Variants in BTK observed in about 807,000 individuals in gnomAD.
The protein encoded by BTK is tyrosine-protein kinase BTK.
In BTK, 5 loss-of-function variants were observed where a neutral mutation model predicts 57.4. The observed-to-expected ratio is 0.09, with a 90% confidence interval of 0.05 to 0.18. The LOEUF (loss-of-function observed/expected upper bound fraction) is 0.18, where lower values mean the gene tolerates loss of function less well. Ranked by LOEUF, BTK falls within the 10% of genes least tolerant of loss-of-function variation. The probability of loss-of-function intolerance (pLI) is 1.00; values close to 1 mark genes in which losing one functional copy is unlikely to be tolerated. For synonymous variants in BTK, 154 were observed against 174.3 expected (o/e 0.88, Z 0.92); for missense variants, 194 against 501.2 (o/e 0.39, Z 5.85).
chrX:101,358,777 A>G (rs373139858), intron 10 of BTK, 81 bp from the exon 11 acceptor site: 14 of 796,147 alleles, frequency 1.8e-5, no homozygotes, highest in African/African-American at 1.4e-4. Flanking sequence ...TTGAGAGAGA[A>G]AATAGAACAA....
intron 1 of BTK, among the ~76,000 whole-genome samples, chrX:101,377,009 T>C (rs1927236405): frequency 9.0e-6 from 1 of 111,332 alleles, no homozygotes; most frequent in African/African-American, 3.3e-5. Context: ...AAGATCGCTT[T>C]GCCACTTATC....
intron 1 of BTK, among the ~76,000 whole-genome samples, chrX:101,381,006 CG>C (rs1374051353): frequency 3.6e-5 from 2 of 55,495 alleles, no homozygotes; most frequent in African/African-American, 1.6e-4. Flanking sequence ...AACTCGGTCG[CG>C]AAAAAAAAAA....
Position 101,349,537 on chromosome X carries a change from ACC to A in BTK, c.*346_*347del. 4.8e-6 allele frequency: 1 copy of A among 209,981 alleles called. No individual in the cohort carries two copies. The allele number at this position is 209,981 out of a possible 1,213,427, so 17.3% of individuals were successfully genotyped here. ...ATTTCATTCTTGCCAAATTCGGTCC[ACC>A]CCCACACACACACCCCCAAGCTCTA... On this transcript the variant is annotated 3_prime_UTR_variant, in exon 19 of 19. Transcript: ENST00000308731.
chrX:101,356,996 T>C (rs1555977954), intron 13 of BTK, 41 bp from the exon 14 acceptor site: 1 of 1,191,367 alleles, frequency 8.4e-7, no homozygotes, highest in South Asian at 1.8e-5. Context: ...GGGTCATGAA[T>C]GTATAATTCT....
At chrX:101,375,403 G>A in intron 1 of BTK, 89 bp from the exon 2 acceptor site, 6 of 898,003 alleles carry the variant, frequency 6.7e-6, no homozygotes, top group Non-Finnish European at 9.6e-6. Flanking sequence ...GTTTCAAATG[G>A]AACAAAAATG....
intron 13 of BTK, 128 bp downstream of exon 13, chrX:101,357,381 T>C: frequency 1.6e-6 from 1 of 612,034 alleles, no homozygotes; most frequent in Non-Finnish European, 2.8e-6. Flanking sequence ...TGCTTGGATC[T>C]GTCTTGAGCG....
chrX:101,388,686 C>G (rs782138883), upstream of BTK, among the ~76,000 whole-genome samples: 13 of 111,757 alleles, frequency 1.2e-4, no homozygotes, highest in Non-Finnish European at 1.9e-4. Flanking sequence ...ATTTGAACTT[C>G]AAATGACTCC....
chrX:101,376,124 C>T lies in BTK; in HGVS notation c.-30-810G>A, dbSNP rs990313542. ...TTATGAAACACAACTTATTTAGCCT[C>T]CCCAAACCTACAATACTCCAGAAGG... On this transcript the variant is annotated intron_variant, in intron 1 of 18. Transcript: ENST00000308731. 2.7e-5 allele frequency among the ~76,000 whole-genome samples: 3 copies of T among 111,019 alleles called. No individual in the cohort carries two copies. In the South Asian group the frequency reaches 1.1e-3, roughly 42 times the overall value.
Position 101,360,686 on chromosome X carries a change from C to T in BTK, c.658G>A (p.Val220Met), listed in dbSNP as rs2147432948. 2 of 1,211,595 alleles carry T rather than the reference C, an allele frequency of 1.7e-6. No individual in the cohort carries two copies. The highest frequency in any genetic ancestry group is 2.2e-6 in the Non-Finnish European group (2 of 895,430). The change falls in exon 8 of 19, where the codon GTG becomes ATG. Residue 220 changes from valine (V) to methionine (M), a missense_variant. Physicochemically the swap from Val to Met is conservative, Grantham distance 21 (BLOSUM62 1). Around this residue, in one of 3 missense-constraint regions of BTK, gnomAD observed 115 missense variants for 258.3 expected, o/e 0.45. Transcript: ENST00000308731. ...ATTGGCATGTAATCATAAAGGGCCA[C>T]AACCTTTTTCAGCTCACTTGTGGAG... is the stretch of plus-strand genomic sequence containing the variant. ...PVSTSELKKV[V>M]ALYDYMPMNA...
intron 3 of BTK, among the ~76,000 whole-genome samples, chrX:101,372,134 T>A (rs1175661082): frequency 8.9e-6 from 1 of 112,074 alleles, no homozygotes; most frequent in Non-Finnish European, 1.9e-5. Flanking sequence ...TTTTCTAATA[T>A]AAGGATGAAA....
upstream of BTK, among the ~76,000 whole-genome samples, chrX:101,386,780 T>G (rs1372511335): frequency 8.9e-6 from 1 of 112,183 alleles, no homozygotes; most frequent in Non-Finnish European, 1.9e-5. Flanking sequence ...ACAGAAATAC[T>G]TGTGCCCTTC....
intron 1 of BTK, among the ~76,000 whole-genome samples, chrX:101,382,943 T>C (rs1359304888): frequency 9.0e-6 from 1 of 111,690 alleles, no homozygotes; most frequent in Non-Finnish European, 1.9e-5. Flanking sequence ...TATTGGAGGA[T>C]TGCTTGAGCC....
At chrX:101,369,676 A>T (rs1230439610) in intron 5 of BTK, among the ~76,000 whole-genome samples, 1 of 111,380 alleles carries the variant, frequency 9.0e-6, no homozygotes, top group East Asian at 2.8e-4. Flanking sequence ...TCTTTTATTC[A>T]TATGATGGAA....
At chrX:101,359,777 A>G (rs1174026875) in intron 9 of BTK, among the ~76,000 whole-genome samples, 1 of 108,851 alleles carries the variant, frequency 9.2e-6, no homozygotes, top group Non-Finnish European at 1.9e-5. Flanking sequence ...GGTAAAGGTA[A>G]GACAGATACA....
At chrX:101,385,009 C>T (rs5951306) in intron 1 of BTK, among the ~76,000 whole-genome samples, 3,459 of 111,276 alleles carry the variant, frequency 0.031, 122 homozygotes, top group African/African-American at 0.094. Flanking sequence ...TTACTATTGC[C>T]AGGCCCTGTT....
intron 1 of BTK, among the ~76,000 whole-genome samples, chrX:101,385,764 C>G (rs1555982406): frequency 8.9e-6 from 1 of 112,325 alleles, no homozygotes; most frequent in Non-Finnish European, 1.9e-5. Context: ...TACTTTTCCA[C>G]TAAGTTTGCC....
At chrX:101,357,390 C>A in intron 13 of BTK, 119 bp downstream of exon 13, 1 of 650,561 alleles carries the variant, frequency 1.5e-6, no homozygotes. Context: ...CTGTCTTGAG[C>A]GTCCTTGAGG....
At chrX:101,364,578 C>G (rs1430274314) in intron 5 of BTK, among the ~76,000 whole-genome samples, 1 of 107,273 alleles carries the variant, frequency 9.3e-6, no homozygotes, top group African/African-American at 3.4e-5. Flanking sequence ...TTTTTAAGAG[C>G]CATTTTGGTA....
At chrX:101,374,255 T>C (rs782701849) in intron 3 of BTK, 36 of 317,051 alleles carry the variant, frequency 1.1e-4, no homozygotes, top group Admixed American at 3.6e-4. Context: ...CTGAGAGAAC[T>C]GAGGGAATAA....
Sources: gnomAD v4.1 joint callset for allele counts (sites outside exome capture counted in the v4.1 genomes callset) on GRCh38, gnomAD v4.1.1 for gene constraint, gnomAD v4.1.1 regional missense constraint, MANE v1.5 for transcripts, NCBI Gene and HGNC (gene_info 2026-07-23, HGNC 2026-07-21) for gene names.